Variants in DERA observed in about 807,000 individuals in gnomAD.
The protein encoded by DERA is 2-deoxy-D-ribose 5-phosphate aldolase.
In DERA, 15 loss-of-function variants were observed where a neutral mutation model predicts 41.1. That is an observed-to-expected ratio of 0.37 (90% CI 0.24 to 0.56). The LOEUF is 0.56. Among genes scored for constraint, DERA ranks in the 20% least tolerant of loss-of-function variants. DERA has a pLI of 0.81. For missense variants in DERA, 396 were observed against 403.4 expected (o/e 0.98, Z 0.16); for synonymous variants, 139 against 137.4 (o/e 1.01, Z -0.08).
At chr12:15,950,876 A>T (rs77159936) in intron 1 of DERA, among the ~76,000 whole-genome samples, 2,264 of 152,318 alleles carry the variant, frequency 0.015, 50 homozygotes, top group East Asian at 0.079. Flanking sequence ...CACTCTCTAG[A>T]GCCTCCAGTG....
rs966895377 is a variant in DERA at position 15,958,116 on chromosome 12, C to T, written c.130-72C>T. ...TACTTGTCTAATGATTCTCTACTAACCACCTGGGTTGGAGGTTGGTTGGTT... is the reference window on the plus strand; with the variant it reads ...TACTTGTCTAATGATTCTCTACTAATCACCTGGGTTGGAGGTTGGTTGGTT... On this transcript the variant is annotated intron_variant, in intron 2 of 8. Transcript: ENST00000428559. 19 of 1,311,656 alleles carry T rather than the reference C, an allele frequency of 1.4e-5. No individual in the cohort carries two copies. In the African/African-American group the frequency reaches 1.9e-4, roughly 13 times the overall value. The allele number at this position is 1,311,656 out of a possible 1,614,324, so 81.3% of individuals were successfully genotyped here.
chr12:15,916,585 G>A (rs1260453837), intron 1 of DERA, among the ~76,000 whole-genome samples: 1 of 151,722 alleles, frequency 6.6e-6, no homozygotes, highest in African/African-American at 2.4e-5. Flanking sequence ...TGAGTAGCTG[G>A]GATTACAGGC....
chr12:15,942,410 G>C (rs1224655592), intron 1 of DERA, among the ~76,000 whole-genome samples: 1 of 152,054 alleles, frequency 6.6e-6, no homozygotes, highest in Non-Finnish European at 1.5e-5. Flanking sequence ...ATTTGCTTTT[G>C]GGGTCTTAGT....
intron 6 of DERA, among the ~76,000 whole-genome samples, chr12:16,025,888 A>G (rs1375001401): frequency 6.6e-6 from 1 of 152,150 alleles, no homozygotes; most frequent in Non-Finnish European, 1.5e-5. Context: ...AGAATTCAAT[A>G]GCAGAAAGTT....
chr12:15,969,920 C>T (rs763695812), intron 5 of DERA, among the ~76,000 whole-genome samples: 9 of 152,208 alleles, frequency 5.9e-5, no homozygotes, highest in Non-Finnish European at 1.3e-4. Flanking sequence ...TTGTATATAA[C>T]AGAAATTCTG....
intron 6 of DERA, among the ~76,000 whole-genome samples, chr12:15,986,882 T>C (rs1948767582): frequency 1.3e-5 from 2 of 152,208 alleles, no homozygotes; most frequent in African/African-American, 2.4e-5. Context: ...ATGAGTTCTT[T>C]CTGGTTTTAT....
At position 15,993,641 on chromosome 12, in the gene DERA, T is replaced by C. The variant is rs1948817220; in HGVS notation, c.637+11205T>C. ...TAAAAGATTTAAAGTGTACATTTAT[T>C]TACAGTTCCTTAAACTAGCCCTGGA... On this transcript the variant is annotated intron_variant, in intron 6 of 8. Transcript: ENST00000428559. The surrounding 1 kb of genome is among the most constrained non-coding windows in gnomAD (Gnocchi z 4.4). 6.6e-6 allele frequency among the ~76,000 whole-genome samples: 1 copy of C among 152,180 alleles called. No individual in the cohort carries two copies. The highest frequency in any genetic ancestry group is 6.5e-5 in the Admixed American group (1 of 15,284).
chr12:15,913,331 G>T lies in DERA; in HGVS notation c.31+1917G>T, dbSNP rs1204343164. Among the ~76,000 whole-genome samples the T allele has an allele frequency of 1.3e-5, 2 of 151,698 alleles. No homozygotes were observed. Among genetic ancestry groups the T allele is most frequent in the Non-Finnish European group, 2.9e-5 (2 of 67,926 alleles). ...TTAAAATCAGATTTTTTTCCTTCACGGGTATTAATCCTTAATCCAAACAGG... is the reference window on the plus strand; with the variant it reads ...TTAAAATCAGATTTTTTTCCTTCACTGGTATTAATCCTTAATCCAAACAGG... On this transcript the variant is annotated intron_variant, in intron 1 of 8. Coordinates refer to ENST00000428559, the MANE Select transcript of DERA (RefSeq NM_015954.4). The surrounding 1 kb of genome is among the most constrained non-coding windows in gnomAD (Gnocchi z 4.5).
intron 1 of DERA, among the ~76,000 whole-genome samples, chr12:15,939,649 T>C (rs1400580715): frequency 6.6e-6 from 1 of 151,762 alleles, no homozygotes; most frequent in Non-Finnish European, 1.5e-5. Flanking sequence ...GATTTTCAAC[T>C]GATTTTGAAA....
At chr12:15,948,660 C>T (rs537875405) in intron 1 of DERA, among the ~76,000 whole-genome samples, 9 of 152,132 alleles carry the variant, frequency 5.9e-5, no homozygotes, top group African/African-American at 1.4e-4. Flanking sequence ...TCTTTTAGCT[C>T]GGAGTAGTTT....
At chr12:15,991,070 A>G (rs1052984748) in intron 6 of DERA, among the ~76,000 whole-genome samples, 2 of 152,144 alleles carry the variant, frequency 1.3e-5, no homozygotes, top group Non-Finnish European at 2.9e-5. Context: ...TTACACTCCC[A>G]CCAACAGTGT....
intron 1 of DERA, among the ~76,000 whole-genome samples, chr12:15,912,192 A>C (rs2136119773): frequency 6.6e-6 from 1 of 152,086 alleles, no homozygotes; most frequent in East Asian, 1.9e-4. Flanking sequence ...GTCCCTGGGT[A>C]CTTAAGATTA....
At chr12:16,025,567 G>A (rs1949047921) in intron 6 of DERA, among the ~76,000 whole-genome samples, 1 of 151,898 alleles carries the variant, frequency 6.6e-6, no homozygotes, top group Non-Finnish European at 1.5e-5. Context: ...AAATTTTATA[G>A]AACTGAAAAA....
In DERA at chr12:15,926,742, G is replaced by GAAA. The variant is rs71051274; in HGVS notation, c.31+15345_31+15347dup. Among the ~76,000 whole-genome samples the GAAA allele has an allele frequency of 1.8e-3, 217 of 120,462 alleles. 3 individuals carry two copies. In the East Asian group the frequency reaches 0.021, roughly 11 times the overall value. 79.0% of individuals were successfully genotyped at this position (120,462 alleles called of 152,430 possible). A position where few individuals can be genotyped will look rare whatever the true frequency, so the allele number is the denominator to read the frequency against. Reference sequence around the variant, plus strand: ...ACAGAGCGAGACTCCGTCTCAAAAAGAAAAAAAAAAAAAAAAAAAGAAACA... The same window carrying GAAA: ...ACAGAGCGAGACTCCGTCTCAAAAAGAAAAAAAAAAAAAAAAAAAAAAGAAACA... On this transcript the variant is annotated intron_variant, in intron 1 of 8. Coordinates refer to ENST00000428559, the MANE Select transcript of DERA (RefSeq NM_015954.4).
intron 1 of DERA, among the ~76,000 whole-genome samples, chr12:15,939,036 G>A (rs1258817841): frequency 6.6e-6 from 1 of 152,130 alleles, no homozygotes; most frequent in East Asian, 1.9e-4. Context: ...AATGGAATAT[G>A]GTAGAAGTGT....
Position 15,931,260 on chromosome 12 carries a change from A to G in DERA, c.31+19846A>G, listed in dbSNP as rs1031711827. On this transcript the variant is annotated intron_variant, in intron 1 of 8. Transcript: ENST00000428559. This position sits in a 1 kb window ranked among gnomAD's most constrained non-coding sequence, Gnocchi z 4.6. Reference sequence around the variant, plus strand: ...ACCGATAGTATAAATTCAATAAGTAACAGAGCATTATTGGACATTCTAAAA... The same window carrying G: ...ACCGATAGTATAAATTCAATAAGTAGCAGAGCATTATTGGACATTCTAAAA... Among the ~76,000 whole-genome samples, 62 of 151,920 alleles carry G rather than the reference A, an allele frequency of 4.1e-4. No homozygotes were observed. The highest frequency in any genetic ancestry group is 1.4e-3 in the African/African-American group (59 of 41,422).
At chr12:16,032,803 A>G in intron 7 of DERA, 149 bp downstream of exon 7, 2 of 617,906 alleles carry the variant, frequency 3.2e-6, no homozygotes, top group Non-Finnish European at 5.6e-6. Flanking sequence ...TCATTATAAA[A>G]GAACACACTG....
rs113748632 is a variant in DERA at position 15,967,363 on chromosome 12, G to A, written c.508+4416G>A. ...TGCCACTGCACTCATAAGCCACTGC[G>A]CCTGGCCTAATAGATTTATTTCTGA... On this transcript the variant is annotated intron_variant, in intron 5 of 8. Transcript: ENST00000428559. The surrounding 1 kb of genome is among the most constrained non-coding windows in gnomAD (Gnocchi z 4.9). Among the ~76,000 whole-genome samples the A allele has an allele frequency of 8.3e-4, 127 of 152,160 alleles. No individual in the cohort carries two copies. The highest frequency in any genetic ancestry group is 1.9e-4 in the Non-Finnish European group (13 of 67,998).
At position 15,930,475 on chromosome 12, in the gene DERA, A is replaced by C. The variant is rs911975613; in HGVS notation, c.31+19061A>C. Among the ~76,000 whole-genome samples the C allele has an allele frequency of 3.3e-5, 5 of 152,310 alleles. No individual in the cohort carries two copies. The East Asian group carries it at 7.7e-4, about 23-fold the overall frequency. On this transcript the variant is annotated intron_variant, in intron 1 of 8. Transcript: ENST00000428559. ...GCATCTTTAAAATTAATCAATAGCC[A>C]AATAACAGAGTAGGTGTTTATTTGA... is the stretch of plus-strand genomic sequence containing the variant.
Sources: gnomAD v4.1 joint callset for allele counts (sites outside exome capture counted in the v4.1 genomes callset) on GRCh38, gnomAD v4.1.1 for gene constraint, Gnocchi (gnomAD v3.1) non-coding constraint, MANE v1.5 for transcripts, NCBI Gene and HGNC (gene_info 2026-07-23, HGNC 2026-07-21) for gene names.